PTPRN2: variants seen among roughly 807,000 people sequenced by gnomAD.
PTPRN2 encodes the protein protein tyrosine phosphatase receptor type N2.
In PTPRN2, 74 loss-of-function variants were observed where a neutral mutation model predicts 118.8. The observed-to-expected ratio is 0.62, with a 90% CI of 0.52 to 0.76. The LOEUF (loss-of-function observed/expected upper bound fraction) is 0.76, where lower values mean the gene tolerates loss of function less well. PTPRN2 is among the 30% of genes least tolerant of loss of function. The probability of loss-of-function intolerance (pLI) is 0.00; values close to 1 mark genes in which losing one functional copy is unlikely to be tolerated. For synonymous variants in PTPRN2, 641 were observed against 608.0 expected (o/e 1.05, Z -0.80); for missense variants, 1,481 against 1,394.4 (o/e 1.06, Z -0.99).
chr7:157,578,080 C>T lies in PTPRN2; in HGVS notation c.2557G>A (p.Val853Ile), dbSNP rs200009644. 141 of 1,613,518 alleles carry T rather than the reference C, an allele frequency of 8.7e-5. No homozygotes were observed. The East Asian group carries it at 3.0e-3, about 34-fold the overall frequency. ...GGCCAGTAGTGGTAGCACTGCCGGACGCCGTTCTCCGCGAGGGGTGTCAGC... is the reference window on the plus strand; with the variant it reads ...GGCCAGTAGTGGTAGCACTGCCGGATGCCGTTCTCCGCGAGGGGTGTCAGC... ...VMLTPLAENG[V>I]RQCYHYWPDE... Residue 853 changes from valine to isoleucine, a missense_variant, in exon 18 of 23, where the codon GTC becomes ATC. Val to Ile is a conservative substitution (Grantham distance 29). This residue lies in a region of PTPRN2 where 362 missense variants were observed against 384.1 expected (regional missense o/e 0.94). Transcript: ENST00000389418.
intron 6 of PTPRN2, among the ~76,000 whole-genome samples, chr7:158,157,087 G>C (rs1487081606): frequency 6.6e-6 from 1 of 151,412 alleles, no homozygotes; most frequent in Non-Finnish European, 1.5e-5. Flanking sequence ...GCTCTGGAAG[G>C]CCTCCCCATT....
At chr7:157,728,446 C>T (rs1210443627) in intron 12 of PTPRN2, among the ~76,000 whole-genome samples, 11 of 152,180 alleles carry the variant, frequency 7.2e-5, no homozygotes, top group East Asian at 1.9e-4. Flanking sequence ...TTCACGGGGG[C>T]GAGGGGCTGG....
chr7:157,815,965 G>T (rs1806369748), intron 12 of PTPRN2, among the ~76,000 whole-genome samples: 1 of 152,180 alleles, frequency 6.6e-6, no homozygotes, highest in African/African-American at 2.4e-5. Context: ...TCTCTGGCTT[G>T]TGCTCATATG....
At chr7:157,677,733 G>A (rs962819250) in intron 13 of PTPRN2, among the ~76,000 whole-genome samples, 1 of 152,212 alleles carries the variant, frequency 6.6e-6, no homozygotes, top group African/African-American at 2.4e-5. Context: ...GGGACGACAC[G>A]TACCCTTTAC....
chr7:158,132,533 CAT>C (rs1818436525), intron 9 of PTPRN2, among the ~76,000 whole-genome samples: 1 of 138,386 alleles, frequency 7.2e-6, no homozygotes, highest in African/African-American at 2.7e-5. Flanking sequence ...AACGTACACT[CAT>C]ATACACACAC....
intron 3 of PTPRN2, among the ~76,000 whole-genome samples, chr7:158,280,663 G>C (rs1799362146): frequency 6.6e-6 from 1 of 152,234 alleles, no homozygotes; most frequent in Non-Finnish European, 1.5e-5. Context: ...ACACTGCGTA[G>C]AGACGCGGCC....
chr7:158,110,679 A>G (rs1816157636), intron 10 of PTPRN2, 150 bp downstream of exon 10: 1 of 727,706 alleles, frequency 1.4e-6, no homozygotes, highest in Admixed American at 2.6e-5. Flanking sequence ...TAAATAACTT[A>G]CCAAAGCTGC....
intron 3 of PTPRN2, among the ~76,000 whole-genome samples, chr7:158,310,578 T>G (rs1477466703): frequency 6.6e-6 from 1 of 152,134 alleles, no homozygotes; most frequent in Non-Finnish European, 1.5e-5. Flanking sequence ...GGGGGCTGGG[T>G]GGAAGGAGCC....
intron 2 of PTPRN2, among the ~76,000 whole-genome samples, chr7:158,333,128 T>C (rs1280805712): frequency 2.7e-5 from 3 of 110,722 alleles, no homozygotes; most frequent in African/African-American, 1.3e-4. Flanking sequence ...CCTGCAGACA[T>C]CACTCACACC....
chr7:158,299,911 G>A (rs1288411183), intron 3 of PTPRN2, among the ~76,000 whole-genome samples: 1 of 152,138 alleles, frequency 6.6e-6, no homozygotes, highest in South Asian at 2.1e-4. Flanking sequence ...AAGGCCCTTG[G>A]ACAGTATTAG....
intron 1 of PTPRN2, among the ~76,000 whole-genome samples, chr7:158,584,793 C>T (rs561251832): frequency 6.6e-6 from 1 of 152,144 alleles, no homozygotes; most frequent in African/African-American, 2.4e-5. Flanking sequence ...AGTTATCGAC[C>T]CTGGGTTTCA....
chr7:158,412,988 C>T (rs1476432794), intron 2 of PTPRN2, among the ~76,000 whole-genome samples: 1 of 146,528 alleles, frequency 6.8e-6, no homozygotes, highest in Non-Finnish European at 1.5e-5. Context: ...AGGGCCCATC[C>T]AGCACCCTCC....
At chr7:158,029,791 C>T (rs1807556484) in intron 11 of PTPRN2, 1 of 152,420 alleles carries the variant, frequency 6.6e-6, no homozygotes, top group Non-Finnish European at 1.5e-5. Flanking sequence ...ATCCACACAG[C>T]AAACACAGCA....
At position 157,642,814 on chromosome 7, in the gene PTPRN2, C is replaced by CAAAAAAAAAAAAAAAAAAAAAAA. The variant is rs11335302; in HGVS notation, c.2196+13520_2196+13542dup. ...AAGGGTCTACCAAGTCAAGAAACAG[C>CAAAAAAAAAAAAAAAAAAAAAAA]AAAAAAAAAAAAAAAAAAAAAAAAA... On this transcript the variant is annotated intron_variant, in intron 14 of 22. Transcript: ENST00000389418. Among the ~76,000 whole-genome samples, 60 of 24,220 alleles carry CAAAAAAAAAAAAAAAAAAAAAAA rather than the reference C, an allele frequency of 2.5e-3. 22 individuals are homozygous for CAAAAAAAAAAAAAAAAAAAAAAA. Among genetic ancestry groups the CAAAAAAAAAAAAAAAAAAAAAAA allele is most frequent in the Admixed American group, 6.3e-3 (7 of 1,116 alleles). The allele number at this position is 24,220 out of a possible 152,430, so 15.9% of individuals were successfully genotyped here.
Position 157,671,065 on chromosome 7 carries a change from A to C in PTPRN2, c.2001+11660T>G, listed in dbSNP as rs917178264. Among the ~76,000 whole-genome samples, 1 of 152,146 alleles carries C rather than the reference A, an allele frequency of 6.6e-6. No homozygotes were observed. The highest frequency in any genetic ancestry group is 1.5e-5 in the Non-Finnish European group (1 of 68,004). On this transcript the variant is annotated intron_variant, in intron 13 of 22. Coordinates refer to ENST00000389418, the MANE Select transcript of PTPRN2 (RefSeq NM_002847.5). The surrounding 1 kb of genome is among the most constrained non-coding windows in gnomAD (Gnocchi z 4.1). The stretch of plus-strand genomic sequence containing the variant: ...GGCGGGCAGGACTCTGGACCTGAGA[A>C]TTGCACAGGATGGTTTCCAAGAGGG...
chr7:157,545,206 C>T (rs1798239539), intron 22 of PTPRN2, among the ~76,000 whole-genome samples: 1 of 133,166 alleles, frequency 7.5e-6, no homozygotes, highest in Non-Finnish European at 1.6e-5. Context: ...GGTGTGTGTG[C>T]AATGTGTGGG....
At chr7:158,143,039 G>A (rs1455444702) in intron 6 of PTPRN2, among the ~76,000 whole-genome samples, 1 of 152,112 alleles carries the variant, frequency 6.6e-6, no homozygotes. Context: ...CGAGCCCAGA[G>A]CAACCTTTTC....
At chr7:158,154,364 A>C (rs957223510) in intron 6 of PTPRN2, among the ~76,000 whole-genome samples, 2 of 152,236 alleles carry the variant, frequency 1.3e-5, no homozygotes, top group Non-Finnish European at 2.9e-5. Context: ...AGAAAATGAA[A>C]TATAGTAAGT....
intron 2 of PTPRN2, among the ~76,000 whole-genome samples, chr7:158,485,332 C>G (rs920609873): frequency 6.6e-6 from 1 of 151,864 alleles, no homozygotes; most frequent in Non-Finnish European, 1.5e-5. Flanking sequence ...CTCTTAGAAG[C>G]TCGGCCACCC....
Sources: gnomAD v4.1 joint callset for allele counts (sites outside exome capture counted in the v4.1 genomes callset) on GRCh38, gnomAD v4.1.1 for gene constraint, gnomAD v4.1.1 regional missense constraint, Gnocchi (gnomAD v3.1) non-coding constraint, MANE v1.5 for transcripts, NCBI Gene and HGNC (gene_info 2026-07-23, HGNC 2026-07-21) for gene names.